DCPS: variants seen among roughly 807,000 people sequenced by gnomAD.
The protein encoded by DCPS is m7GpppX diphosphatase.
DCPS carries 27 observed loss-of-function variants against 34.7 expected under a neutral mutation model. That is an observed-to-expected ratio of 0.78 (90% CI 0.57 to 1.07). The LOEUF (loss-of-function observed/expected upper bound fraction) is 1.07. Among genes scored for constraint, DCPS ranks in the 50% least tolerant of loss-of-function variants. The pLI is 0.00. For synonymous variants in DCPS, 185 were observed against 185.7 expected, an observed-to-expected ratio of 1.00 and a Z score of 0.03; for missense variants, 464 against 436.9, an observed-to-expected ratio of 1.06 and a Z score of -0.55.
In DCPS at chr11:126,345,703, T is replaced by C. The variant is rs752636628; in HGVS notation, c.*90T>C. The stretch of plus-strand genomic sequence containing the variant: ...TCTCCAAGTGAATTTTCTAAAAATG[T>C]ATTTTATACCGGCTTATTCCTAGTA... On this transcript the variant is annotated 3_prime_UTR_variant, in exon 6 of 6. Transcript: ENST00000263579. The surrounding 1 kb of genome is among the most constrained non-coding windows in gnomAD (Gnocchi z 7.4). 225 of 1,536,730 alleles carry C rather than the reference T, an allele frequency of 1.5e-4. No individual in the cohort carries two copies. Among genetic ancestry groups the C allele is most frequent in the Non-Finnish European group, 1.8e-4 (204 of 1,143,194 alleles).
chr11:126,306,193 T>A, intron 1 of DCPS, among the ~76,000 whole-genome samples: 1 of 152,004 alleles, frequency 6.6e-6, no homozygotes, highest in Non-Finnish European at 1.5e-5. Flanking sequence ...GCCAACATGG[T>A]GAAACCCCAT....
In DCPS at chr11:126,348,409, C is replaced by T. The variant is rs890567733; in HGVS notation, c.*2796C>T. On this transcript the variant is annotated 3_prime_UTR_variant, in exon 6 of 6. Transcript: ENST00000263579. The surrounding 1 kb of genome is among the most constrained non-coding windows in gnomAD (Gnocchi z 5.3). ...TTTTCTTGTACATGGAAAGACAAGC[C>T]TCTGCTAGAGGCCTGGCAAGGGTTC... 1.8e-4 allele frequency among the ~76,000 whole-genome samples: 28 copies of T among 152,220 alleles called. No homozygotes were observed. Among genetic ancestry groups the T allele is most frequent in the Non-Finnish European group, 1.9e-4 (13 of 68,026 alleles).
At chr11:126,324,317 A>G (rs1951725971) in intron 2 of DCPS, among the ~76,000 whole-genome samples, 1 of 152,182 alleles carries the variant, frequency 6.6e-6, no homozygotes, top group Admixed American at 6.5e-5. Context: ...ATTTCAGAGA[A>G]TTGAAAATAT....
intron 4 of DCPS, among the ~76,000 whole-genome samples, chr11:126,339,306 C>T (rs12276485): frequency 0.24 from 35,942 of 152,134 alleles, 4,889 homozygotes; most frequent in African/African-American, 0.36. Context: ...GTTCTGCTTT[C>T]GGTGGGCCCG....
At position 126,336,615 on chromosome 11, in the gene DCPS, T is replaced by C. The variant is rs1218520620; in HGVS notation, c.523-1671T>C. 1 of 152,284 alleles carries C rather than the reference T, an allele frequency of 6.6e-6. No individual in the cohort carries two copies. The highest frequency in any genetic ancestry group is 1.5e-5 in the Non-Finnish European group (1 of 68,098). The allele number at this position is 152,284 out of a possible 1,614,324, so 9.4% of individuals were successfully genotyped here. A position where few individuals can be genotyped will look rare whatever the true frequency, so the allele number is the denominator to read the frequency against. On this transcript the variant is annotated intron_variant, in intron 3 of 5. Transcript: ENST00000263579. The surrounding 1 kb of genome is among the most constrained non-coding windows in gnomAD (Gnocchi z 6.3). ...GACTGGCCGTGGGGAGGCCTGCTTATGGGGTGCGTTGGGGCTGTCTGTAGG... is the reference window on the plus strand; with the variant it reads ...GACTGGCCGTGGGGAGGCCTGCTTACGGGGTGCGTTGGGGCTGTCTGTAGG...
intron 4 of DCPS, 41 bp from the exon 5 acceptor site, chr11:126,343,266 T>C (rs1361166615): frequency 6.4e-7 from 1 of 1,556,440 alleles, no homozygotes; most frequent in East Asian, 2.3e-5. Flanking sequence ...TCCCCAGGTC[T>C]GTTCCCTGCT....
At position 126,331,253 on chromosome 11, in the gene DCPS, T is replaced by C. The variant is rs1352457086; in HGVS notation, c.377-152T>C. The C allele has an allele frequency of 2.7e-6, 3 of 1,120,230 alleles. No homozygotes were observed. The highest frequency in any genetic ancestry group is 3.8e-6 in the Non-Finnish European group (3 of 782,054). 69.4% of individuals were successfully genotyped at this position (1,120,230 alleles called of 1,614,324 possible). A position where few individuals can be genotyped will look rare whatever the true frequency, so the allele number is the denominator to read the frequency against. ...GTGAATGCAGTGGCACAAGGCACTC[T>C]GTGGGAGTGGATCTTGGGTGCATGA... On this transcript the variant is annotated intron_variant, in intron 2 of 5. Coordinates refer to ENST00000263579, the MANE Select transcript of DCPS (RefSeq NM_014026.6). The surrounding 1 kb of genome is among the most constrained non-coding windows in gnomAD (Gnocchi z 7.2).
chr11:126,307,199 G>C (rs1444706102), intron 2 of DCPS, among the ~76,000 whole-genome samples: 2 of 151,922 alleles, frequency 1.3e-5, no homozygotes, highest in African/African-American at 4.8e-5. Flanking sequence ...TGGGCATGGT[G>C]GCGTTCACCT....
In DCPS at chr11:126,333,317, A is replaced by G. The variant is rs527419224; in HGVS notation, c.522+1767A>G. On this transcript the variant is annotated intron_variant, in intron 3 of 5. Transcript: ENST00000263579. The surrounding 1 kb of genome is among the most constrained non-coding windows in gnomAD (Gnocchi z 5.7). ...GCAACACTCATTATGTTTACTGAGT[A>G]CCTACTATGGACCTGGTCCTATGCC... Among the ~76,000 whole-genome samples the G allele has an allele frequency of 6.6e-5, 10 of 152,344 alleles. No homozygotes were observed. The highest frequency in any genetic ancestry group is 2.4e-4 in the African/African-American group (10 of 41,594).
rs1440086141 is a variant in DCPS, at chr11:126,319,783, C to T, written c.377-11622C>T. ...CGAAAGAGGTTGGGCCTTTGGGATA[C>T]GGGAGTATTGCATAGAGGAACCAGA... On this transcript the variant is annotated intron_variant, in intron 2 of 5. Transcript: ENST00000263579. This position sits in a 1 kb window ranked among gnomAD's most constrained non-coding sequence, Gnocchi z 4.5. Among the ~76,000 whole-genome samples the T allele has an allele frequency of 6.6e-6, 1 of 152,106 alleles. No homozygotes were observed. The highest frequency in any genetic ancestry group is 1.9e-4 in the East Asian group (1 of 5,192).
rs377488772 is a variant in DCPS at position 126,331,594 on chromosome 11, C to T, written c.522+44C>T. On this transcript the variant is annotated intron_variant, in intron 3 of 5. Transcript: ENST00000263579. The surrounding 1 kb of genome is among the most constrained non-coding windows in gnomAD (Gnocchi z 7.2). Reference sequence around the variant, plus strand: ...CAGACGCAGAGCACTGCTCCCGTGGCTGGTGCCTCCTCTTACGAGTGTCTA... The same window carrying T: ...CAGACGCAGAGCACTGCTCCCGTGGTTGGTGCCTCCTCTTACGAGTGTCTA... 3.7e-5 allele frequency: 59 copies of T among 1,603,986 alleles called. No homozygotes were observed. The Admixed American group carries it at 6.6e-4, about 18-fold the overall frequency.
At position 126,323,759 on chromosome 11, in the gene DCPS, G is replaced by A. The variant is rs1219492034; in HGVS notation, c.377-7646G>A. 1.3e-5 allele frequency among the ~76,000 whole-genome samples: 2 copies of A among 152,046 alleles called. No individual in the cohort carries two copies. The highest frequency in any genetic ancestry group is 1.3e-4 in the Admixed American group (2 of 15,268). On this transcript the variant is annotated intron_variant, in intron 2 of 5. Transcript: ENST00000263579. This position sits in a 1 kb window ranked among gnomAD's most constrained non-coding sequence, Gnocchi z 4.4. ...TTGCCATGTTGCCCAGGCTGGTCTC[G>A]AACTCCTGGGCTCAGGTGATCCAAA... is the stretch of plus-strand genomic sequence containing the variant.
chr11:126,304,311 CG>C, intron 1 of DCPS, 30 bp downstream of exon 1: 3 of 1,610,798 alleles, frequency 1.9e-6, no homozygotes, highest in African/African-American at 1.3e-5. Flanking sequence ...AGGTGGGATG[CG>C]GGAAGCAGTG....
chr11:126,321,681 A>C (rs1185762599), intron 2 of DCPS, among the ~76,000 whole-genome samples: 1 of 145,830 alleles, frequency 6.9e-6, no homozygotes, highest in African/African-American at 2.4e-5. Flanking sequence ...AAGAGAAGAC[A>C]AGAAAAAGAA....
intron 2 of DCPS, among the ~76,000 whole-genome samples, chr11:126,310,798 C>T (rs906987471): frequency 6.6e-6 from 1 of 152,220 alleles, no homozygotes; most frequent in Non-Finnish European, 1.5e-5. Flanking sequence ...CTGCCCACCC[C>T]GAGGGCCCTG....
chr11:126,309,224 C>T (rs1951600580), intron 2 of DCPS, among the ~76,000 whole-genome samples: 1 of 152,102 alleles, frequency 6.6e-6, no homozygotes, highest in Non-Finnish European at 1.5e-5. Context: ...TGGGGTTTCA[C>T]CATGTTGGCC....
Position 126,346,954 on chromosome 11 carries a change from G to A in DCPS, c.*1341G>A, listed in dbSNP as rs115876057. Reference sequence around the variant, plus strand: ...AAAACAGAAAAATTAGCCAGGTGTGGTGGTGGGCTCCTATAATCCCACCTA... The same window carrying A: ...AAAACAGAAAAATTAGCCAGGTGTGATGGTGGGCTCCTATAATCCCACCTA... On this transcript the variant is annotated 3_prime_UTR_variant, in exon 6 of 6. Coordinates refer to ENST00000263579, the MANE Select transcript of DCPS (RefSeq NM_014026.6). This position sits in a 1 kb window ranked among gnomAD's most constrained non-coding sequence, Gnocchi z 4.1. Among the ~76,000 whole-genome samples, 1 of 152,034 alleles carries A rather than the reference G, an allele frequency of 6.6e-6. No homozygotes were observed. The highest frequency in any genetic ancestry group is 1.9e-4 in the East Asian group (1 of 5,134).
intron 2 of DCPS, among the ~76,000 whole-genome samples, chr11:126,314,747 A>C (rs1951645494): frequency 6.6e-6 from 1 of 152,162 alleles, no homozygotes; most frequent in African/African-American, 2.4e-5. Flanking sequence ...GTAATGGAAA[A>C]CCAAACATTG....
intron 2 of DCPS, among the ~76,000 whole-genome samples, chr11:126,326,256 C>T (rs1417158890): frequency 6.6e-6 from 1 of 152,210 alleles, no homozygotes; most frequent in Admixed American, 6.5e-5. Flanking sequence ...AGGCGGTGCC[C>T]TCAGTCCACT....
Sources: gnomAD v4.1 joint callset for allele counts (sites outside exome capture counted in the v4.1 genomes callset) on GRCh38, gnomAD v4.1.1 for gene constraint, Gnocchi (gnomAD v3.1) non-coding constraint, MANE v1.5 for transcripts, NCBI Gene and HGNC (gene_info 2026-07-23, HGNC 2026-07-21) for gene names.